DMRT1: variants seen among roughly 807,000 people sequenced by gnomAD.
DMRT1 encodes the protein doublesex- and mab-3-related transcription factor 1.
Under a neutral mutation model 32.3 loss-of-function variants are expected in DMRT1, and 7 were observed. That is an observed-to-expected ratio of 0.22 (90% CI 0.12 to 0.41). The LOEUF is 0.41. DMRT1 is among the 10% of genes least tolerant of loss of function. The pLI is 1.00. For missense variants in DMRT1, 625 were observed against 500.5 expected, an observed-to-expected ratio of 1.25 and a Z score of -2.37; for synonymous variants, 278 against 206.1, an observed-to-expected ratio of 1.35 and a Z score of -2.99.
rs768855270 is a variant in DMRT1, at chr9:841,906, C to G, written c.68C>G (p.Pro23Arg). Residue 23 changes from proline to arginine, a missense_variant, in exon 1 of 5, where the codon CCG becomes CGG. This residue lies in a region of DMRT1 where 201 missense variants were observed against 152.0 expected (regional missense o/e 1.32). Transcript: ENST00000382276. ...PSEAPHAPGV[P>R]PQGRAGGFGK... ...GAAGCCCCTCACGCCCCCGGGGTAC[C>G]GCCGCAGGGCAGAGCCGGGGGCTTT... is the stretch of plus-strand genomic sequence containing the variant. 1 of 1,610,454 alleles carries G rather than the reference C, an allele frequency of 6.2e-7. No individual in the cohort carries two copies. The highest frequency in any genetic ancestry group is 1.3e-5 in the African/African-American group (1 of 74,952).
chr9:858,871 AT>A (rs1221338220), intron 2 of DMRT1, among the ~76,000 whole-genome samples: 830 of 34,630 alleles, frequency 0.024, no homozygotes, highest in African/African-American at 0.072. Context: ...AAAAAAAAAA[AT>A]ATATATATAT....
At chr9:962,310 G>A (rs1819799716) in intron 4 of DMRT1, among the ~76,000 whole-genome samples, 1 of 152,142 alleles carries the variant, frequency 6.6e-6, no homozygotes, top group South Asian at 2.1e-4. Flanking sequence ...GGGCAAGGGA[G>A]CAGTCTGGAG....
At position 968,843 on chromosome 9, in the gene DMRT1, C is replaced by A. The variant is rs1239113365; in HGVS notation, c.*704C>A. ...GTGTTTGTAGAATGAGTTTATCATA[C>A]ATTCTTTCTACTACTGGAAAAAAAT... On this transcript the variant is annotated 3_prime_UTR_variant, in exon 5 of 5. Transcript: ENST00000382276. 2.6e-5 allele frequency: 4 copies of A among 152,808 alleles called. No homozygotes were observed. The highest frequency in any genetic ancestry group is 2.6e-4 in the Admixed American group (4 of 15,308). 9.5% of individuals were successfully genotyped at this position (152,808 alleles called of 1,614,324 possible).
intron 3 of DMRT1, among the ~76,000 whole-genome samples, chr9:897,409 A>G (rs754865471): frequency 7.9e-5 from 12 of 151,774 alleles, no homozygotes; most frequent in Non-Finnish European, 1.8e-4. Flanking sequence ...AGGGAATCAT[A>G]CTATTTTTGA....
At chr9:848,751 C>T (rs915307031) in intron 2 of DMRT1, among the ~76,000 whole-genome samples, 25 of 148,158 alleles carry the variant, frequency 1.7e-4, no homozygotes, top group Non-Finnish European at 3.7e-4. Context: ...GATGGAGTTT[C>T]ACCATGTTGG....
At chr9:872,711 G>A (rs1016370207) in intron 2 of DMRT1, among the ~76,000 whole-genome samples, 1 of 152,012 alleles carries the variant, frequency 6.6e-6, no homozygotes, top group Admixed American at 6.6e-5. Context: ...ACAACATTTC[G>A]TTTACTCATC....
chr9:864,406 T>G (rs905527893), intron 2 of DMRT1, among the ~76,000 whole-genome samples: 2 of 152,002 alleles, frequency 1.3e-5, no homozygotes, highest in African/African-American at 4.8e-5. Flanking sequence ...ATGACCAGGC[T>G]GGTCTTGAAC....
chr9:860,096 A>G (rs1247646645), intron 2 of DMRT1, among the ~76,000 whole-genome samples: 1 of 152,190 alleles, frequency 6.6e-6, no homozygotes, highest in Non-Finnish European at 1.5e-5. Context: ...CAGGAGTTCA[A>G]GACCAGCCTG....
chr9:841,771 T>C lies in DMRT1; in HGVS notation c.-68T>C. 1 of 1,555,748 alleles carries C rather than the reference T, an allele frequency of 6.4e-7. No individual in the cohort carries two copies. The highest frequency in any genetic ancestry group is 1.4e-5 in the African/African-American group (1 of 73,518). On this transcript the variant is annotated 5_prime_UTR_variant, in exon 1 of 5. Coordinates refer to ENST00000382276, the MANE Select transcript of DMRT1 (RefSeq NM_021951.3). ...CTCCGGAGCGTCGCTGTCCGTCGGG[T>C]TCATCCCTCGCAGCAGTCTCCAGGC...
At chr9:963,967 G>GT (rs1161523652) in intron 4 of DMRT1, among the ~76,000 whole-genome samples, 1 of 152,198 alleles carries the variant, frequency 6.6e-6, no homozygotes, top group Non-Finnish European at 1.5e-5. Context: ...TGAAGAGTTG[G>GT]TAACAACTGA....
At chr9:860,275 C>A (rs528424562) in intron 2 of DMRT1, among the ~76,000 whole-genome samples, 5 of 151,778 alleles carry the variant, frequency 3.3e-5, no homozygotes, top group Admixed American at 3.3e-4. Context: ...CCAGCCTGGG[C>A]GACAGAGCGA....
chr9:927,301 G>T (rs921365488), intron 4 of DMRT1, among the ~76,000 whole-genome samples: 1 of 152,216 alleles, frequency 6.6e-6, no homozygotes, highest in African/African-American at 2.4e-5. Context: ...AGCTTGTCAT[G>T]CATCTTTCAC....
At chr9:938,012 G>T (rs1202645738) in intron 4 of DMRT1, among the ~76,000 whole-genome samples, 1 of 151,762 alleles carries the variant, frequency 6.6e-6, no homozygotes, top group African/African-American at 2.4e-5. Context: ...ATTTTAAGTT[G>T]ATTTTTGTAT....
At chr9:867,404 C>T (rs1027981224) in intron 2 of DMRT1, among the ~76,000 whole-genome samples, 35 of 152,146 alleles carry the variant, frequency 2.3e-4, no homozygotes, top group African/African-American at 7.7e-4. Flanking sequence ...AGCATGCAGT[C>T]GGTTTAATTC....
intron 3 of DMRT1, among the ~76,000 whole-genome samples, chr9:912,788 A>G (rs1388821854): frequency 2.0e-5 from 3 of 152,034 alleles, no homozygotes; most frequent in Non-Finnish European, 2.9e-5. Context: ...TCGGTGTCAT[A>G]TTAGAATTAA....
chr9:888,850 G>T, intron 2 of DMRT1, among the ~76,000 whole-genome samples: 1 of 152,002 alleles, frequency 6.6e-6, no homozygotes. Context: ...TCCTGGGCTG[G>T]ATGCAGTGGC....
At chr9:869,793 T>G (rs1816151895) in intron 2 of DMRT1, among the ~76,000 whole-genome samples, 1 of 152,200 alleles carries the variant, frequency 6.6e-6, no homozygotes, top group African/African-American at 2.4e-5. Context: ...GTCGCACAGT[T>G]AATAGTCTTT....
intron 1 of DMRT1, among the ~76,000 whole-genome samples, chr9:846,219 G>C (rs1309016649): frequency 6.6e-6 from 1 of 151,894 alleles, no homozygotes; most frequent in African/African-American, 2.4e-5. Context: ...TTTTAGTGGA[G>C]ATGGGGTTTC....
In DMRT1 at chr9:874,853, G is replaced by C. The variant is rs966371251; in HGVS notation, c.539-19059G>C. On this transcript the variant is annotated intron_variant, in intron 2 of 4. Coordinates refer to ENST00000382276, the MANE Select transcript of DMRT1 (RefSeq NM_021951.3). ...GATGGAGTCTCGCTCTGTCACCCCA[G>C]CTGGAGTGCAGTGGCGCTATCTCAC... Among the ~76,000 whole-genome samples the C allele has an allele frequency of 5.6e-5, 7 of 124,122 alleles. No individual in the cohort carries two copies. In the Admixed American group the frequency reaches 7.6e-4, roughly 14 times the overall value. The allele number at this position is 124,122 out of a possible 152,430, so 81.4% of individuals were successfully genotyped here.
Sources: allele counts gnomAD v4.1 joint callset (sites outside exome capture counted in the v4.1 genomes callset), GRCh38; gene constraint gnomAD v4.1.1; regional missense constraint gnomAD v4.1.1; transcripts MANE v1.5; gene names NCBI Gene and HGNC (gene_info 2026-07-23, HGNC 2026-07-21).